RAB3D: variants seen among roughly 807,000 people sequenced by gnomAD.
The protein encoded by RAB3D is RAB3D, member RAS oncogene family.
In RAB3D, 17 loss-of-function variants were observed where a neutral mutation model predicts 19.3. The ratio of observed to expected loss-of-function variants is 0.88; its 90% CI spans 0.60 to 1.32. RAB3D has a LOEUF of 1.32. RAB3D is among the 40% of genes most tolerant of loss of function. The probability of loss-of-function intolerance (pLI) is 0.00; values close to 1 mark genes in which losing one functional copy is unlikely to be tolerated. For missense variants in RAB3D, 223 were observed against 299.1 expected (o/e 0.75, Z 1.88); for synonymous variants, 103 against 119.9 (o/e 0.86, Z 0.92).
In RAB3D at chr19:11,327,028, C is replaced by T. The variant is rs554424090; in HGVS notation, c.473-1443G>A. On this transcript the variant is annotated intron_variant, in intron 4 of 4. Transcript: ENST00000222120. ...CAGGAATTCAGACAAACGCCTGCCA[C>T]GTTACACGTGGCCAAGGGTAAGTGG... 7.7e-4 allele frequency: 362 copies of T among 468,062 alleles called. 4 individuals carry two copies. The highest frequency in any genetic ancestry group is 6.5e-3 in the African/African-American group (322 of 49,350). The allele number at this position is 468,062 out of a possible 1,614,324, so 29.0% of individuals were successfully genotyped here. A position where few individuals can be genotyped will look rare whatever the true frequency, so the allele number is the denominator to read the frequency against.
chr19:11,336,778 G>A (rs12986264), intron 2 of RAB3D, among the ~76,000 whole-genome samples: 481 of 151,988 alleles, frequency 3.2e-3, no homozygotes, highest in South Asian at 6.2e-3. Flanking sequence ...AGACCAGCCT[G>A]GCCAACATGG....
chr19:11,325,675 G>C, intron 4 of RAB3D, 90 bp from the exon 5 acceptor site: 1 of 1,268,344 alleles, frequency 7.9e-7, no homozygotes, highest in Non-Finnish European at 1.1e-6. Flanking sequence ...TCTAAGCCTA[G>C]TTCTGCTCTT....
At chr19:11,333,722 C>A (rs1449263490) in intron 4 of RAB3D, among the ~76,000 whole-genome samples, 1 of 150,922 alleles carries the variant, frequency 6.6e-6, no homozygotes, top group South Asian at 2.1e-4. Flanking sequence ...GAGACAGAGT[C>A]TCCCCCCATT....
rs1258888458 is a variant in RAB3D at position 11,337,468 on chromosome 19, G to A, written c.-61-8C>T. 7.9e-7 allele frequency: 1 copy of A among 1,273,068 alleles called. No individual in the cohort carries two copies. Among genetic ancestry groups the A allele is most frequent in the African/African-American group, 1.5e-5 (1 of 68,014 alleles). The allele number at this position is 1,273,068 out of a possible 1,614,324, so 78.9% of individuals were successfully genotyped here. On this transcript the variant is annotated splice_polypyrimidine_tract_variant and splice_region_variant and intron_variant, in intron 1 of 4. Transcript: ENST00000222120. The stretch of plus-strand genomic sequence containing the variant: ...GGAGAGGAGACGGGCGTCCTGCAGG[G>A]GAATCAAACATCAAGAACAGCTCCT...
At chr19:11,337,770 G>A (rs574925862) in intron 1 of RAB3D, among the ~76,000 whole-genome samples, 24 of 151,598 alleles carry the variant, frequency 1.6e-4, no homozygotes, top group Non-Finnish European at 3.1e-4. Context: ...TCCTGGGCTC[G>A]AGTGATCCTC....
intron 2 of RAB3D, among the ~76,000 whole-genome samples, chr19:11,336,175 C>T (rs530400797): frequency 5.3e-5 from 8 of 152,272 alleles, no homozygotes; most frequent in South Asian, 2.1e-4. Context: ...TTGTTACCAG[C>T]GGCTAAGTTG....
rs773027325 is a variant in RAB3D, at chr19:11,326,856, C to T, written c.473-1271G>A. 1.7e-5 allele frequency: 11 copies of T among 634,986 alleles called. 1 individual carries two copies. Among genetic ancestry groups the T allele is most frequent in the South Asian group, 1.4e-4 (8 of 58,034 alleles). 39.3% of individuals were successfully genotyped at this position (634,986 alleles called of 1,614,324 possible). On this transcript the variant is annotated intron_variant, in intron 4 of 4. Transcript: ENST00000222120. ...AACTGCTGGCCTAAAGCGATCCCCC[C>T]GCCTAGGCCTCCCAAAGTGCTGGGT...
At position 11,325,348 on chromosome 19, in the gene RAB3D, C is replaced by T. The variant is rs1355279640; in HGVS notation, c.*50G>A. ...ACCACTGTGGCTCACGCCTCGATCA[C>T]AGTCCCTGCCGAGGCAGGAGAGGGG... On this transcript the variant is annotated 3_prime_UTR_variant, in exon 5 of 5. Transcript: ENST00000222120. 1.7e-5 allele frequency: 21 copies of T among 1,244,516 alleles called. No homozygotes were observed. Among genetic ancestry groups the T allele is most frequent in the Non-Finnish European group, 2.1e-5 (19 of 911,904 alleles). 77.1% of individuals were successfully genotyped at this position (1,244,516 alleles called of 1,614,324 possible).
chr19:11,324,982 A>G lies in RAB3D; in HGVS notation c.*416T>C. ...GAACCCACACTGTGCGAGGAAGATGAACCATCTTCCACCAGCTTGGGAATA... is the reference window on the plus strand; with the variant it reads ...GAACCCACACTGTGCGAGGAAGATGGACCATCTTCCACCAGCTTGGGAATA... On this transcript the variant is annotated 3_prime_UTR_variant, in exon 5 of 5. Transcript: ENST00000222120. The G allele has an allele frequency of 6.3e-6, 1 of 157,988 alleles. No individual in the cohort carries two copies. Among genetic ancestry groups the G allele is most frequent in the Non-Finnish European group, 1.4e-5 (1 of 71,064 alleles). The allele number at this position is 157,988 out of a possible 1,614,324, so 9.8% of individuals were successfully genotyped here.
intron 1 of RAB3D, among the ~76,000 whole-genome samples, chr19:11,338,107 T>A (rs1352875167): frequency 6.6e-6 from 1 of 152,194 alleles, no homozygotes; most frequent in Non-Finnish European, 1.5e-5. Flanking sequence ...GGGAAGGTAT[T>A]AACACACGTA....
At chr19:11,335,603 G>A (rs914693060) in intron 3 of RAB3D, 32 bp from the exon 4 acceptor site, 21 of 1,611,250 alleles carry the variant, frequency 1.3e-5, no homozygotes, top group South Asian at 4.4e-5. Context: ...GCCATGAGCC[G>A]GGGGGGTTAG....
chr19:11,337,456 G>A lies in RAB3D; in HGVS notation c.-57C>T. On this transcript the variant is annotated 5_prime_UTR_variant, in exon 2 of 5. Transcript: ENST00000222120. The stretch of plus-strand genomic sequence containing the variant: ...TGAAATCCTCAGGGAGAGGAGACGG[G>A]CGTCCTGCAGGGGAATCAAACATCA... 1 of 1,412,494 alleles carries A rather than the reference G, an allele frequency of 7.1e-7. No individual in the cohort carries two copies. The highest frequency in any genetic ancestry group is 1.0e-6 in the Non-Finnish European group (1 of 999,222). The allele number at this position is 1,412,494 out of a possible 1,614,324, so 87.5% of individuals were successfully genotyped here.
At position 11,332,361 on chromosome 19, in the gene RAB3D, T is replaced by C. The variant is rs115774173; in HGVS notation, c.472+3086A>G. On this transcript the variant is annotated intron_variant, in intron 4 of 4. Transcript: ENST00000222120. ...ATTTCTCATTTTATTTCATTGTTTT[T>C]TGAGACAAGGTCTCACTCTGTCACC... Among the ~76,000 whole-genome samples the C allele has an allele frequency of 1.7e-3, 255 of 151,946 alleles. 1 individual carries two copies. The highest frequency in any genetic ancestry group is 6.0e-3 in the African/African-American group (247 of 41,466).
At chr19:11,329,945 G>A (rs1006538259) in intron 4 of RAB3D, among the ~76,000 whole-genome samples, 1 of 152,130 alleles carries the variant, frequency 6.6e-6, no homozygotes, top group South Asian at 2.1e-4. Flanking sequence ...GCCTCCCAAA[G>A]TGCTAGGATT....
chr19:11,325,321 T>C lies in RAB3D; in HGVS notation c.*77A>G, dbSNP rs1213123460. On this transcript the variant is annotated 3_prime_UTR_variant, in exon 5 of 5. Coordinates refer to ENST00000222120, the MANE Select transcript of RAB3D (RefSeq NM_004283.4). Reference sequence around the variant, plus strand: ...GAAGGGATTGCCCTGAGCTTGGAGATAACCACTGTGGCTCACGCCTCGATC... The same window carrying C: ...GAAGGGATTGCCCTGAGCTTGGAGACAACCACTGTGGCTCACGCCTCGATC... 1 of 935,604 alleles carries C rather than the reference T, an allele frequency of 1.1e-6. No homozygotes were observed. The highest frequency in any genetic ancestry group is 1.7e-5 in the African/African-American group (1 of 59,646). 58.0% of individuals were successfully genotyped at this position (935,604 alleles called of 1,614,324 possible).
chr19:11,333,145 T>C (rs2080840972), intron 4 of RAB3D, among the ~76,000 whole-genome samples: 1 of 151,364 alleles, frequency 6.6e-6, no homozygotes. Context: ...AGTGGCGTGA[T>C]CTTGGCTCAC....
At position 11,324,424 on chromosome 19, in the gene RAB3D, G is replaced by C. The variant is rs986266157; in HGVS notation, c.*974C>G. On this transcript the variant is annotated 3_prime_UTR_variant, in exon 5 of 5. Coordinates refer to ENST00000222120, the MANE Select transcript of RAB3D (RefSeq NM_004283.4). ...AAGTCGCCGACAACTGCCTGCGGTG[G>C]CTGGGAACGTTGCTTCATTTCCTTT... The C allele has an allele frequency of 1.3e-5, 2 of 152,306 alleles. No homozygotes were observed. The highest frequency in any genetic ancestry group is 4.8e-5 in the African/African-American group (2 of 41,440). 9.4% of individuals were successfully genotyped at this position (152,306 alleles called of 1,614,324 possible). A position where few individuals can be genotyped will look rare whatever the true frequency, so the allele number is the denominator to read the frequency against.
intron 4 of RAB3D, among the ~76,000 whole-genome samples, chr19:11,333,621 G>T (rs994748453): frequency 6.6e-6 from 1 of 152,052 alleles, no homozygotes; most frequent in African/African-American, 2.4e-5. Flanking sequence ...TGCACATAGG[G>T]TGCTGGCTTG....
chr19:11,338,682 G>C (rs1966920566), intron 1 of RAB3D, among the ~76,000 whole-genome samples: 2 of 152,140 alleles, frequency 1.3e-5, no homozygotes, highest in African/African-American at 2.4e-5. Context: ...ACGGAGGCAG[G>C]AGTGAGAGTC....
Sources: gnomAD v4.1 joint callset for allele counts (sites outside exome capture counted in the v4.1 genomes callset) on GRCh38, gnomAD v4.1.1 for gene constraint, MANE v1.5 for transcripts, NCBI Gene and HGNC (gene_info 2026-07-23, HGNC 2026-07-21) for gene names.